Variants in LOC102723971 observed in about 807,000 individuals in gnomAD.
At chr9:135,616,858 G>A in the LOC102723971 span, 1 of 398,678 alleles carries the variant, frequency 2.5e-6, no homozygotes, top group East Asian at 3.6e-5. Context: ...CAGGGCCTGG[G>A]GGACGGAGGA....
chr9:135,618,495 C>A, the LOC102723971 span, among the ~76,000 whole-genome samples: 2 of 152,108 alleles, frequency 1.3e-5, no homozygotes, highest in Non-Finnish European at 2.9e-5. Context: ...TACATTGCAG[C>A]AAGCATTGTC....
chr9:135,616,414 G>T, the LOC102723971 span, among the ~76,000 whole-genome samples: 13 of 152,190 alleles, frequency 8.5e-5, no homozygotes, highest in Non-Finnish European at 1.5e-4. Flanking sequence ...CCAGGACGAG[G>T]CTGCCCTTGA....
At chr9:135,619,563 G>A in the LOC102723971 span, among the ~76,000 whole-genome samples, 3 of 152,136 alleles carry the variant, frequency 2.0e-5, no homozygotes, top group East Asian at 5.8e-4. Context: ...AGGTCCAAGA[G>A]CCCTAAGTGA....
At chr9:135,615,265 G>A in the LOC102723971 span, 10 of 394,200 alleles carry the variant, frequency 2.5e-5, no homozygotes, top group Non-Finnish European at 4.0e-5. Flanking sequence ...GGCACTAGCC[G>A]GCCTCTCCCG....
the LOC102723971 span, among the ~76,000 whole-genome samples, chr9:135,619,191 G>GCCAA: frequency 2.6e-5 from 4 of 151,890 alleles, no homozygotes. Context: ...TCCAGGTCCT[G>GCCAA]CCAACCACCT....
the LOC102723971 span, chr9:135,618,997 C>A: frequency 2.5e-6 from 1 of 403,178 alleles, no homozygotes; most frequent in East Asian, 3.5e-5. Context: ...GGGCCCCTCA[C>A]CCCTCTGCTG....
chr9:135,614,449 G>A, the LOC102723971 span: 9 of 384,486 alleles, frequency 2.3e-5, no homozygotes, highest in East Asian at 1.1e-4. Context: ...GGGGGGTGCC[G>A]GGGTTCAGAT....
the LOC102723971 span, among the ~76,000 whole-genome samples, chr9:135,619,370 G>A: frequency 2.6e-5 from 4 of 152,064 alleles, no homozygotes; most frequent in Admixed American, 2.6e-4. Context: ...AGGTGCCTCC[G>A]ATGCACCCCC....
the LOC102723971 span, among the ~76,000 whole-genome samples, chr9:135,619,380 C>A: frequency 6.6e-6 from 1 of 152,152 alleles, no homozygotes; most frequent in South Asian, 2.1e-4. Context: ...GATGCACCCC[C>A]CTCCCCAGGG....
chr9:135,614,386 T>G, the LOC102723971 span: 1 of 384,668 alleles, frequency 2.6e-6, no homozygotes, highest in East Asian at 3.7e-5. Context: ...GACTCAGGCC[T>G]GGAACAACGG....
the LOC102723971 span, chr9:135,618,037 CA>C: frequency 2.5e-6 from 1 of 398,670 alleles, no homozygotes; most frequent in Non-Finnish European, 4.4e-6. Context: ...CGGTCTTCAA[CA>C]TAGATGGTGA....
chr9:135,618,873 A>C, the LOC102723971 span: 1 of 398,674 alleles, frequency 2.5e-6, no homozygotes, highest in Non-Finnish European at 4.4e-6. Flanking sequence ...TGATTGATTG[A>C]TTTCAAAATG....
the LOC102723971 span, chr9:135,614,431 G>A: frequency 1.8e-5 from 7 of 391,364 alleles, no homozygotes; most frequent in Non-Finnish European, 3.2e-5. Context: ...CAGGGGGTGG[G>A]GCAGACAGGG....
At chr9:135,614,857 C>A in the LOC102723971 span, among the ~76,000 whole-genome samples, 3 of 152,080 alleles carry the variant, frequency 2.0e-5, no homozygotes, top group African/African-American at 7.2e-5. Flanking sequence ...GGCACAGCAC[C>A]AGACCCTCCC....
At chr9:135,616,665 G>C in the LOC102723971 span, 1 of 398,720 alleles carries the variant, frequency 2.5e-6, no homozygotes, top group Non-Finnish European at 4.4e-6. Context: ...GCTCATGTGA[G>C]TGCCCCTGTC....
chr9:135,618,721 G>A, the LOC102723971 span, among the ~76,000 whole-genome samples: 1 of 151,850 alleles, frequency 6.6e-6, no homozygotes, highest in Non-Finnish European at 1.5e-5. Context: ...GAGAGGGGCA[G>A]TGGGTGGGGC....
the LOC102723971 span, chr9:135,618,183 T>C: frequency 2.5e-6 from 1 of 395,272 alleles, no homozygotes; most frequent in Non-Finnish European, 4.5e-6. Context: ...TGCCGGCTGC[T>C]TCAGGGGCTG....
chr9:135,617,777 G>A, the LOC102723971 span, among the ~76,000 whole-genome samples: 3 of 152,184 alleles, frequency 2.0e-5, no homozygotes, highest in African/African-American at 7.2e-5. Flanking sequence ...GGTCGCAGAG[G>A]GGGTGCTGCC....
chr9:135,614,297 G>T, the LOC102723971 span: 1 of 398,812 alleles, frequency 2.5e-6, no homozygotes, highest in East Asian at 3.6e-5. Context: ...CCTGGCGGGT[G>T]CCCAGAAGGC....
Sources: gnomAD v4.1 joint callset for allele counts (sites outside exome capture counted in the v4.1 genomes callset) on GRCh38, gnomAD v4.1.1 for gene constraint, MANE v1.5 for transcripts.